The following C2orf42 variants were observed in gnomAD, a reference collection of about 807,000 sequenced individuals.
C2orf42 encodes the protein uncharacterized protein C2orf42.
In C2orf42, 44 loss-of-function variants were observed where a neutral mutation model predicts 58.9. The observed-to-expected ratio is 0.75, with a 90% confidence interval of 0.59 to 0.96. C2orf42 has a LOEUF of 0.96. Among genes scored for constraint, C2orf42 ranks in the 40% least tolerant of loss-of-function variants. The pLI is 0.00. For missense variants in C2orf42, 630 were observed against 699.2 expected, an observed-to-expected ratio of 0.90 and a Z score of 1.12; for synonymous variants, 239 against 265.4, an observed-to-expected ratio of 0.90 and a Z score of 0.97.
rs535297074 is a variant in C2orf42 at position 70,168,567 on chromosome 2, C to T, written c.1144+990G>A. Among the ~76,000 whole-genome samples the T allele has an allele frequency of 3.3e-5, 5 of 151,024 alleles. No individual in the cohort carries two copies. In the East Asian group the frequency reaches 1.0e-3, roughly 31 times the overall value. ...CCTCCCAAAGTGCTGGGATTACAGGCATGAGCCACCGCACCCGGCTGCTAA... is the reference window on the plus strand; with the variant it reads ...CCTCCCAAAGTGCTGGGATTACAGGTATGAGCCACCGCACCCGGCTGCTAA... On this transcript the variant is annotated intron_variant, in intron 6 of 9. Coordinates refer to ENST00000264434, the MANE Select transcript of C2orf42 (RefSeq NM_017880.3).
At chr2:70,173,810 T>G (rs900935830) in intron 5 of C2orf42, among the ~76,000 whole-genome samples, 7 of 151,810 alleles carry the variant, frequency 4.6e-5, no homozygotes, top group African/African-American at 1.7e-4. Context: ...GTGTTTTTTT[T>G]GGTAGAGATG....
At chr2:70,165,410 CAT>C in intron 7 of C2orf42, 116 bp downstream of exon 7, 1 of 671,468 alleles carries the variant, frequency 1.5e-6, no homozygotes, top group Admixed American at 2.6e-5. Context: ...GTGCTCCAGA[CAT>C]GTGAGTAGAA....
In C2orf42 at chr2:70,182,386, C is replaced by T. The variant is rs190818662; in HGVS notation, c.-13+281G>A. The T allele has an allele frequency of 3.5e-4, 57 of 161,214 alleles. 2 individuals are homozygous for T. In the East Asian group the frequency reaches 7.5e-3, roughly 21 times the overall value. 10.0% of individuals were successfully genotyped at this position (161,214 alleles called of 1,614,324 possible). A position where few individuals can be genotyped will look rare whatever the true frequency, so the allele number is the denominator to read the frequency against. On this transcript the variant is annotated intron_variant, in intron 2 of 9. Transcript: ENST00000264434. The stretch of plus-strand genomic sequence containing the variant: ...GTGCTGGGATTACAGGTGTGAGCCA[C>T]GGCGCCTGGCTGCTATCCACTATTT...
chr2:70,156,811 G>T (rs894639352), intron 9 of C2orf42, among the ~76,000 whole-genome samples: 1 of 150,716 alleles, frequency 6.6e-6, no homozygotes, highest in Admixed American at 6.6e-5. Flanking sequence ...GCAGTGAGCC[G>T]TGATTGTGCC....
Position 70,165,621 on chromosome 2 carries a change from A to G in C2orf42, c.1159T>C (p.Leu387=), listed in dbSNP as rs1484841020. ...AATGACTGAGGAATGTGGAACACCA[A>G]TGGTTCTGGTTTGCCTATGGGAAAC... The part of the protein sequence containing the change: ...HYQFDGKPEP[L]VFHIPQSFFD... The change falls in exon 7 of 10, where the codon TTG becomes CTG. Residue 387 remains leucine, a synonymous_variant. Coordinates refer to ENST00000264434, the MANE Select transcript of C2orf42 (RefSeq NM_017880.3). The G allele has an allele frequency of 1.9e-6, 3 of 1,604,482 alleles. No individual in the cohort carries two copies. Among genetic ancestry groups the G allele is most frequent in the South Asian group, 2.2e-5 (2 of 90,870 alleles).
At chr2:70,185,503 G>A (rs1257594189) in intron 1 of C2orf42, among the ~76,000 whole-genome samples, 1 of 152,092 alleles carries the variant, frequency 6.6e-6, no homozygotes, top group East Asian at 1.9e-4. Flanking sequence ...TTGAGGCCAG[G>A]AGTTCGAGAC....
chr2:70,189,510 G>A (rs1174203306), intron 1 of C2orf42, among the ~76,000 whole-genome samples: 9 of 148,324 alleles, frequency 6.1e-5, no homozygotes, highest in Admixed American at 2.0e-4. Flanking sequence ...AAGGTCAGGA[G>A]ATCGAGACCA....
At chr2:70,179,973 T>G (rs1203146884) in intron 3 of C2orf42, among the ~76,000 whole-genome samples, 1 of 150,994 alleles carries the variant, frequency 6.6e-6, no homozygotes, top group African/African-American at 2.4e-5. Context: ...AAAAAAAAAA[T>G]TATGGAGTGA....
intron 5 of C2orf42, among the ~76,000 whole-genome samples, chr2:70,170,158 A>G (rs1184371008): frequency 6.7e-6 from 1 of 148,740 alleles, no homozygotes; most frequent in African/African-American, 2.5e-5. Context: ...AAGTCCTGGG[A>G]GAAGTGTTAA....
At chr2:70,151,160 T>A (rs1196108699) in intron 9 of C2orf42, among the ~76,000 whole-genome samples, 2 of 152,180 alleles carry the variant, frequency 1.3e-5, no homozygotes, top group Non-Finnish European at 2.9e-5. Flanking sequence ...AAGACCAGCC[T>A]ATGCAACAAA....
intron 9 of C2orf42, among the ~76,000 whole-genome samples, chr2:70,157,749 ATCGTG>A (rs1672775072): frequency 6.6e-6 from 1 of 152,116 alleles, no homozygotes; most frequent in Non-Finnish European, 1.5e-5. Flanking sequence ...GTGAGCCGAG[ATCGTG>A]CCACTGCACT....
chr2:70,174,759 C>T (rs1674073956), intron 5 of C2orf42, among the ~76,000 whole-genome samples: 1 of 151,390 alleles, frequency 6.6e-6, no homozygotes, highest in Non-Finnish European at 1.5e-5. Flanking sequence ...CAACCTCTGC[C>T]TCCCGGGTTC....
At chr2:70,182,139 G>C in intron 2 of C2orf42, 142 bp from the exon 3 acceptor site, 1 of 579,538 alleles carries the variant, frequency 1.7e-6, no homozygotes, top group Non-Finnish European at 3.0e-6. Context: ...TCGCTCTGTC[G>C]CCCAGGCTGG....
intron 1 of C2orf42, among the ~76,000 whole-genome samples, chr2:70,189,740 T>G (rs1331012126): frequency 1.4e-4 from 17 of 117,248 alleles, no homozygotes; most frequent in Non-Finnish European, 5.3e-5. Flanking sequence ...AAAAATGGCC[T>G]GAGTAGCTGG....
chr2:70,169,483 G>A (rs1673647637), intron 6 of C2orf42, 74 bp downstream of exon 6: 1 of 727,086 alleles, frequency 1.4e-6, no homozygotes, highest in South Asian at 1.7e-5. Flanking sequence ...TTTCCTATCA[G>A]AGGAGAATTA....
At chr2:70,158,966 C>T (rs1672881428) in intron 9 of C2orf42, among the ~76,000 whole-genome samples, 1 of 135,330 alleles carries the variant, frequency 7.4e-6, no homozygotes, top group African/African-American at 2.8e-5. Context: ...GCATGGAGTG[C>T]AGTGGCGCGA....
chr2:70,171,086 G>A (rs1379435327), intron 5 of C2orf42, among the ~76,000 whole-genome samples: 1 of 151,776 alleles, frequency 6.6e-6, no homozygotes, highest in African/African-American at 2.4e-5. Context: ...CTGCACTCCA[G>A]CCTGGGTGAC....
At chr2:70,170,041 G>A (rs6546574) in intron 5 of C2orf42, among the ~76,000 whole-genome samples, 22,920 of 151,912 alleles carry the variant, frequency 0.15, 2,785 homozygotes, top group African/African-American at 0.33. Context: ...TTACAGGCGT[G>A]AGCCACCGCG....
At chr2:70,158,295 T>C (rs767509184) in intron 9 of C2orf42, among the ~76,000 whole-genome samples, 3 of 151,904 alleles carry the variant, frequency 2.0e-5, no homozygotes, top group Non-Finnish European at 4.4e-5. Context: ...ATTAAAAGCC[T>C]CAACTAATTT....
Sources: gnomAD v4.1 joint callset for allele counts (sites outside exome capture counted in the v4.1 genomes callset) on GRCh38, gnomAD v4.1.1 for gene constraint, MANE v1.5 for transcripts, NCBI Gene and HGNC (gene_info 2026-07-23, HGNC 2026-07-21) for gene names.